OTOGL: variants seen among roughly 807,000 people sequenced by gnomAD.
OTOGL encodes otogelin like.
OTOGL carries 285 observed loss-of-function variants against 318.5 expected under a neutral mutation model. The observed-to-expected ratio is 0.89, with a 90% CI of 0.81 to 0.99. OTOGL has a LOEUF of 0.99. Ranked by LOEUF, OTOGL falls within the 50% of genes least tolerant of loss-of-function variation. The pLI is 0.00. For synonymous variants in OTOGL, 987 were observed against 936.5 expected, an observed-to-expected ratio of 1.05 and a Z score of -0.99; for missense variants, 2,899 against 2,845.6, an observed-to-expected ratio of 1.02 and a Z score of -0.43.
intron 26 of OTOGL, among the ~76,000 whole-genome samples, chr12:80,285,552 C>A (rs1403864019): frequency 6.6e-6 from 1 of 152,052 alleles, no homozygotes; most frequent in Non-Finnish European, 1.5e-5. Flanking sequence ...TCTCTTATTT[C>A]TTTGAGCAAT....
At chr12:80,286,041 G>A (rs893485541) in intron 26 of OTOGL, among the ~76,000 whole-genome samples, 8 of 152,078 alleles carry the variant, frequency 5.3e-5, no homozygotes, top group African/African-American at 1.9e-4. Flanking sequence ...TTTAACATAT[G>A]TTCCATCAAT....
intron 18 of OTOGL, among the ~76,000 whole-genome samples, chr12:80,258,269 A>G (rs1182099821): frequency 6.6e-6 from 1 of 152,132 alleles, no homozygotes; most frequent in Non-Finnish European, 1.5e-5. Flanking sequence ...TTGGATTTAG[A>G]CAGTGTGGCT....
chr12:80,244,104 C>T (rs998984479), intron 11 of OTOGL, among the ~76,000 whole-genome samples: 2 of 151,100 alleles, frequency 1.3e-5, no homozygotes, highest in Non-Finnish European at 2.9e-5. Flanking sequence ...CCATGCTAGT[C>T]TGTGCCACTA....
At chr12:80,331,679 T>C (rs1235098602) in intron 37 of OTOGL, among the ~76,000 whole-genome samples, 1 of 152,134 alleles carries the variant, frequency 6.6e-6, no homozygotes, top group East Asian at 1.9e-4. Context: ...TGTGGTATGC[T>C]GAATAATGGT....
At position 80,313,456 on chromosome 12, in the gene OTOGL, T is replaced by A. The variant is rs11114396; in HGVS notation, c.3451-20T>A. On this transcript the variant is annotated intron_variant, in intron 30 of 58. Coordinates refer to ENST00000547103, the MANE Select transcript of OTOGL (RefSeq NM_001378609.3). ...ATCAGTATCTATTGAAATTAAGTAA[T>A]CTTTCACCTCATTTTTCAGATTGAC... The A allele has an allele frequency of 0.2, 310,096 of 1,582,706 alleles. 31,776 individuals carry two copies. Among genetic ancestry groups the A allele is most frequent in the Middle Eastern group, 0.23 (1,384 of 5,938 alleles).
intron 26 of OTOGL, among the ~76,000 whole-genome samples, chr12:80,288,301 C>A (rs894120172): frequency 5.9e-5 from 9 of 152,108 alleles, no homozygotes; most frequent in Admixed American, 5.9e-4. Context: ...TTGTAGGTAA[C>A]CTGACCTTTC....
intron 1 of OTOGL, among the ~76,000 whole-genome samples, chr12:80,208,534 G>A (rs575168783): frequency 3.3e-5 from 5 of 152,300 alleles, no homozygotes; most frequent in African/African-American, 9.6e-5. Context: ...TATAAGCATG[G>A]TTTTCACTAA....
chr12:80,204,163 T>C (rs887386269), intron 1 of OTOGL, among the ~76,000 whole-genome samples: 1 of 152,202 alleles, frequency 6.6e-6, no homozygotes, highest in Non-Finnish European at 1.5e-5. Context: ...AAGCTTTTTT[T>C]GACTCTCAAT....
intron 40 of OTOGL, 54 bp from the exon 41 acceptor site, chr12:80,336,743 A>C: frequency 6.9e-7 from 1 of 1,458,510 alleles, no homozygotes; most frequent in Non-Finnish European, 9.3e-7. Context: ...AATCCGAATA[A>C]TGTTTTAAAA....
intron 7 of OTOGL, among the ~76,000 whole-genome samples, chr12:80,225,381 G>A (rs2137371998): frequency 6.6e-6 from 1 of 152,162 alleles, no homozygotes; most frequent in South Asian, 2.1e-4. Context: ...GCTGAACTAT[G>A]CCTCTGGAGT....
At chr12:80,278,661 G>T (rs560741108) in intron 25 of OTOGL, among the ~76,000 whole-genome samples, 12 of 151,488 alleles carry the variant, frequency 7.9e-5, no homozygotes, top group Non-Finnish European at 1.6e-4. Flanking sequence ...TATGGACAAA[G>T]ATTCTAAACT....
At chr12:80,109,795 C>A (rs1869716274) in intron 1 of OTOGL, among the ~76,000 whole-genome samples, 1 of 151,808 alleles carries the variant, frequency 6.6e-6, no homozygotes, top group South Asian at 2.1e-4. Flanking sequence ...TCTTTTTTTT[C>A]TTTTAGATAT....
At chr12:80,201,092 G>A (rs1876421133) in intron 1 of OTOGL, among the ~76,000 whole-genome samples, 1 of 152,190 alleles carries the variant, frequency 6.6e-6, no homozygotes. Context: ...CCCAGAGGTA[G>A]TAGCCCTTAG....
chr12:80,156,562 G>A (rs1166837595), intron 1 of OTOGL, among the ~76,000 whole-genome samples: 1 of 152,098 alleles, frequency 6.6e-6, no homozygotes, highest in Non-Finnish European at 1.5e-5. Context: ...GACCCGGTGG[G>A]AGATAATTGA....
In OTOGL at chr12:80,276,441, T is replaced by C. The variant is rs1383758789; in HGVS notation, c.2682-1727T>C. ...GTTCTTATAGTTCTTATTGTTCTTA[T>C]AGTTATTGTCACTATAAGCTATTTA... is the stretch of plus-strand genomic sequence containing the variant. On this transcript the variant is annotated intron_variant, in intron 24 of 58. Transcript: ENST00000547103. Among the ~76,000 whole-genome samples, 15 of 151,820 alleles carry C rather than the reference T, an allele frequency of 9.9e-5. No individual in the cohort carries two copies. In the Admixed American group the frequency reaches 9.9e-4, roughly 10 times the overall value.
At chr12:80,335,874 A>G (rs1455357876) in intron 38 of OTOGL, 89 bp from the exon 39 acceptor site, 1 of 1,218,202 alleles carries the variant, frequency 8.2e-7, no homozygotes, top group East Asian at 2.6e-5. Flanking sequence ...ATAAATGTAC[A>G]CCATGGGCAA....
At chr12:80,106,482 A>T (rs1438768993) in intron 1 of OTOGL, among the ~76,000 whole-genome samples, 4 of 151,658 alleles carry the variant, frequency 2.6e-5, no homozygotes, top group Non-Finnish European at 5.9e-5. Context: ...TTTTTTCTTG[A>T]TATATTTTTT....
intron 1 of OTOGL, among the ~76,000 whole-genome samples, chr12:80,194,886 C>G (rs1312325453): frequency 6.6e-6 from 1 of 152,122 alleles, no homozygotes; most frequent in Non-Finnish European, 1.5e-5. Flanking sequence ...TTGAATCAGA[C>G]TAAAATAACA....
intron 1 of OTOGL, among the ~76,000 whole-genome samples, chr12:80,208,921 A>C (rs752544275): frequency 6.6e-6 from 1 of 152,168 alleles, no homozygotes; most frequent in Non-Finnish European, 1.5e-5. Flanking sequence ...TCCTAAAGAA[A>C]ACTTTTAATT....
Sources: allele counts gnomAD v4.1 joint callset (sites outside exome capture counted in the v4.1 genomes callset), GRCh38; gene constraint gnomAD v4.1.1; transcripts MANE v1.5; gene names NCBI Gene and HGNC (gene_info 2026-07-23, HGNC 2026-07-21).